The following ALG5 variants were observed in gnomAD, a reference collection of about 807,000 sequenced individuals.
The protein encoded by ALG5 is ALG5 dolichyl-phosphate beta-glucosyltransferase.
A neutral mutation model predicts 51.8 loss-of-function variants in ALG5; 26 were observed. That is an observed-to-expected ratio of 0.50 (90% CI 0.37 to 0.70). The LOEUF is 0.70. Among genes scored for constraint, ALG5 ranks in the 30% least tolerant of loss-of-function variants. The pLI is 0.00. For synonymous variants in ALG5, 141 were observed against 136.1 expected (o/e 1.04, Z -0.25); for missense variants, 311 against 399.3 (o/e 0.78, Z 1.88).
At chr13:36,969,694 C>G (rs994477874) in intron 7 of ALG5, among the ~76,000 whole-genome samples, 1 of 151,884 alleles carries the variant, frequency 6.6e-6, no homozygotes, top group African/African-American at 2.4e-5. Flanking sequence ...GCCACCACAC[C>G]CAGCTAGTTT....
At chr13:36,960,091 G>T (rs2058859061) in intron 8 of ALG5, among the ~76,000 whole-genome samples, 1 of 152,114 alleles carries the variant, frequency 6.6e-6, no homozygotes, top group Admixed American at 6.5e-5. Flanking sequence ...AAAACAAAAA[G>T]TAGTACAAGA....
chr13:36,967,445 C>T (rs2138794071), intron 7 of ALG5, among the ~76,000 whole-genome samples: 1 of 152,146 alleles, frequency 6.6e-6, no homozygotes, highest in East Asian at 1.9e-4. Flanking sequence ...GTGTTTGGCA[C>T]AGAAAATAAC....
intron 6 of ALG5, among the ~76,000 whole-genome samples, chr13:36,975,359 T>G (rs2058945645): frequency 6.6e-6 from 1 of 152,238 alleles, no homozygotes; most frequent in Non-Finnish European, 1.5e-5. Context: ...TTTTAGATGT[T>G]GCTGATTGCA....
At position 36,970,524 on chromosome 13, in the gene ALG5, C is replaced by T. The variant is rs527506894; in HGVS notation, c.621+1453G>A. On this transcript the variant is annotated intron_variant, in intron 7 of 9. Transcript: ENST00000239891. ...CTGAGGCAGGAGAATCGCTTGAATC[C>T]GGGAGGCAGAGGTTGCAGTAAGCCG... Among the ~76,000 whole-genome samples, 22 of 152,222 alleles carry T rather than the reference C, an allele frequency of 1.4e-4. 1 individual carries two copies. Among genetic ancestry groups the T allele is most frequent in the South Asian group, 4.1e-4 (2 of 4,822 alleles).
chr13:36,986,140 T>C (rs1245369543), intron 5 of ALG5, among the ~76,000 whole-genome samples: 1 of 152,214 alleles, frequency 6.6e-6, no homozygotes, highest in African/African-American at 2.4e-5. Context: ...AACATGTTTA[T>C]AGACAGATTA....
intron 6 of ALG5, among the ~76,000 whole-genome samples, chr13:36,983,551 C>G (rs1041731587): frequency 2.2e-5 from 3 of 134,920 alleles, no homozygotes; most frequent in East Asian, 4.3e-4. Flanking sequence ...CTGGGCAACA[C>G]AGTAAGACCT....
Position 36,954,579 on chromosome 13 carries a change from T to C in ALG5, c.774-1980A>G, listed in dbSNP as rs535492749. Among the ~76,000 whole-genome samples the C allele has an allele frequency of 2.0e-5, 3 of 152,342 alleles. No homozygotes were observed. The East Asian group carries it at 5.8e-4, about 29-fold the overall frequency. Reference sequence around the variant, plus strand: ...AAATGCAGCTCATATCATCATATTATAAGTGCCCAGTCTGTTACCTAAGCA... The same window carrying C: ...AAATGCAGCTCATATCATCATATTACAAGTGCCCAGTCTGTTACCTAAGCA... On this transcript the variant is annotated intron_variant, in intron 8 of 9. Transcript: ENST00000239891.
intron 8 of ALG5, among the ~76,000 whole-genome samples, chr13:36,958,187 A>C (rs1593659018): frequency 1.3e-5 from 2 of 149,068 alleles, no homozygotes; most frequent in African/African-American, 2.5e-5. Context: ...ACCCCCTTTC[A>C]CTCTCACCGC....
chr13:36,999,309 C>A lies in ALG5; in HGVS notation c.-9G>T. On this transcript the variant is annotated 5_prime_UTR_variant, in exon 1 of 10. Transcript: ENST00000239891. ...AACAGAAGCGGAGCCATTCTCCATG[C>A]CGTGGCAGCCCGCCCAATCCCGCAC... 6.4e-7 allele frequency: 1 copy of A among 1,568,492 alleles called. No homozygotes were observed. The highest frequency in any genetic ancestry group is 8.6e-7 in the Non-Finnish European group (1 of 1,160,570).
rs772956739 is a variant in ALG5 at position 36,985,599 on chromosome 13, GTTAT to G, written c.561+24_561+27del. ...AGCTCTCCTGCATTCTTGACTGAAT[GTTAT>G]TTAAACTACATTCTTATACTCACAG... On this transcript the variant is annotated intron_variant, in intron 6 of 9. Transcript: ENST00000239891. 1.4e-5 allele frequency: 21 copies of G among 1,545,898 alleles called. No homozygotes were observed. In the East Asian group the frequency reaches 1.8e-4, roughly 13 times the overall value.
intron 5 of ALG5, among the ~76,000 whole-genome samples, chr13:36,986,525 G>C (rs1219423912): frequency 6.6e-6 from 1 of 152,174 alleles, no homozygotes; most frequent in Non-Finnish European, 1.5e-5. Context: ...GTGACTATAG[G>C]TAAGACATAT....
At chr13:36,982,906 T>A (rs957337256) in intron 6 of ALG5, among the ~76,000 whole-genome samples, 1 of 152,238 alleles carries the variant, frequency 6.6e-6, no homozygotes, top group African/African-American at 2.4e-5. Context: ...TTTAAGGTGC[T>A]GTAAAACCAA....
rs959391840 is a variant in ALG5 at position 36,952,650 on chromosome 13, A to T, written c.774-51T>A. 4 of 1,089,232 alleles carry T rather than the reference A, an allele frequency of 3.7e-6. No individual in the cohort carries two copies. The Admixed American group carries it at 9.0e-5, about 25-fold the overall frequency. The allele number at this position is 1,089,232 out of a possible 1,614,324, so 67.5% of individuals were successfully genotyped here. A position where few individuals can be genotyped will look rare whatever the true frequency, so the allele number is the denominator to read the frequency against. ...TATTTTTAAAGACAAATAGAACACA[A>T]CTACATCTCTACCTTGGCATGTTTT... On this transcript the variant is annotated intron_variant, in intron 8 of 9. Coordinates refer to ENST00000239891, the MANE Select transcript of ALG5 (RefSeq NM_013338.5).
At chr13:36,998,808 G>C (rs558702552) in intron 1 of ALG5, 2 of 162,802 alleles carry the variant, frequency 1.2e-5, no homozygotes, top group East Asian at 3.4e-4. Context: ...CATCAGCCAA[G>C]GGAGCAGGCT....
At chr13:36,967,855 A>G (rs1440147989) in intron 7 of ALG5, 1 of 1,131,024 alleles carries the variant, frequency 8.8e-7, no homozygotes, top group Non-Finnish European at 1.2e-6. Flanking sequence ...AATAAAAATT[A>G]AAGGTAGAAA....
chr13:36,988,476 C>T (rs931329513), intron 5 of ALG5, among the ~76,000 whole-genome samples: 1 of 152,182 alleles, frequency 6.6e-6, no homozygotes, highest in Non-Finnish European at 1.5e-5. Flanking sequence ...AAATGGCGTG[C>T]TGTTTTCTCA....
chr13:36,989,646 T>C (rs1006243055), intron 4 of ALG5, 70 bp from the exon 5 acceptor site: 9 of 1,300,334 alleles, frequency 6.9e-6, no homozygotes, highest in Non-Finnish European at 2.2e-6. Flanking sequence ...CTGTGTTTCT[T>C]GCTTTGGCTC....
chr13:36,976,646 G>A (rs2058952848), intron 6 of ALG5, among the ~76,000 whole-genome samples: 1 of 151,926 alleles, frequency 6.6e-6, no homozygotes, highest in Non-Finnish European at 1.5e-5. Context: ...TACTTGGGAG[G>A]CTGAGGCAGG....
chr13:36,987,027 C>A (rs561993452), intron 5 of ALG5, among the ~76,000 whole-genome samples: 1 of 152,234 alleles, frequency 6.6e-6, no homozygotes, highest in South Asian at 2.1e-4. Context: ...ATATTTTATA[C>A]CCATTATTTC....
Sources: allele counts gnomAD v4.1 joint callset (sites outside exome capture counted in the v4.1 genomes callset), GRCh38; gene constraint gnomAD v4.1.1; transcripts MANE v1.5; gene names NCBI Gene and HGNC (gene_info 2026-07-23, HGNC 2026-07-21).